Variants in DOCK10 observed in about 807,000 individuals in gnomAD.
The protein encoded by DOCK10 is dedicator of cytokinesis protein 10.
DOCK10 carries 145 observed loss-of-function variants against 280.1 expected under a neutral mutation model. The ratio of observed to expected loss-of-function variants is 0.52; its 90% CI spans 0.45 to 0.59. The LOEUF (loss-of-function observed/expected upper bound fraction) is 0.59. Ranked by LOEUF, DOCK10 falls within the 20% of genes least tolerant of loss-of-function variation. The pLI, the probability that DOCK10 is intolerant of heterozygous loss-of-function variation, is 0.00. For synonymous variants in DOCK10, 915 were observed against 942.2 expected, an observed-to-expected ratio of 0.97 and a Z score of 0.53; for missense variants, 2,368 against 2,651.7, an observed-to-expected ratio of 0.89 and a Z score of 2.35.
chr2:224,978,434 G>GA (rs200228552), intron 1 of DOCK10, among the ~76,000 whole-genome samples: 9 of 149,356 alleles, frequency 6.0e-5, no homozygotes, highest in East Asian at 2.0e-4. Flanking sequence ...CTCCGTCTCG[G>GA]AAAAAAAAAA....
chr2:224,947,666 T>C (rs1402259614), intron 1 of DOCK10, among the ~76,000 whole-genome samples: 1 of 152,210 alleles, frequency 6.6e-6, no homozygotes, highest in Non-Finnish European at 1.5e-5. Flanking sequence ...GCCCTTTCTC[T>C]GGGGCTATTT....
intron 53 of DOCK10, among the ~76,000 whole-genome samples, chr2:224,771,644 A>G (rs1225190240): frequency 6.6e-6 from 1 of 152,210 alleles, no homozygotes. Flanking sequence ...GTAAAAGAAG[A>G]AGGAAGCTGA....
At chr2:224,891,003 T>G (rs1448196012) in intron 4 of DOCK10, among the ~76,000 whole-genome samples, 1 of 152,190 alleles carries the variant, frequency 6.6e-6, no homozygotes, top group Non-Finnish European at 1.5e-5. Context: ...AGGCAGTGTG[T>G]CAATGTTTTA....
rs1252946205 is a variant in DOCK10 at position 224,807,897 on chromosome 2, G to A, written c.3585+14C>T. ...AAATGGTGTTTAGGGAAGGGAGAAA[G>A]GAAGATCACTTACTGGCTCTCTGTA... On this transcript the variant is annotated intron_variant, in intron 32 of 55. Transcript: ENST00000258390. The A allele has an allele frequency of 2.6e-5, 41 of 1,605,770 alleles. No individual in the cohort carries two copies. Among genetic ancestry groups the A allele is most frequent in the Non-Finnish European group, 3.3e-5 (39 of 1,174,052 alleles).
chr2:224,999,237 TCTGTCTCTCTCTC>T (rs1706356843), intron 1 of DOCK10, among the ~76,000 whole-genome samples: 1 of 142,428 alleles, frequency 7.0e-6, no homozygotes, highest in African/African-American at 3.0e-5. Flanking sequence ...TCTCTCTTTC[TCTGTCTCTCTCTC>T]TTTTTTTTTT....
chr2:224,790,711 G>A (rs1180507769), intron 47 of DOCK10, among the ~76,000 whole-genome samples: 1 of 152,084 alleles, frequency 6.6e-6, no homozygotes, highest in Non-Finnish European at 1.5e-5. Context: ...CTTGCAGGAT[G>A]ATGATTACTT....
chr2:224,958,358 C>T (rs773146049), intron 1 of DOCK10, among the ~76,000 whole-genome samples: 2 of 152,008 alleles, frequency 1.3e-5, no homozygotes, highest in Non-Finnish European at 2.9e-5. Context: ...GCTCCGGGCA[C>T]AAAAAGGGCA....
chr2:224,809,448 G>A (rs1046535769), intron 31 of DOCK10, among the ~76,000 whole-genome samples: 3 of 152,100 alleles, frequency 2.0e-5, no homozygotes, highest in Admixed American at 2.0e-4. Flanking sequence ...CCATATACCT[G>A]ACAGGGGGCT....
intron 1 of DOCK10, among the ~76,000 whole-genome samples, chr2:224,942,886 A>C (rs557465016): frequency 9.2e-4 from 140 of 152,312 alleles, no homozygotes; most frequent in Non-Finnish European, 1.5e-3. Context: ...AAAAACAACA[A>C]ATCACATTTA....
chr2:224,975,603 G>A (rs1163232047), intron 1 of DOCK10, among the ~76,000 whole-genome samples: 1 of 152,148 alleles, frequency 6.6e-6, no homozygotes, highest in Admixed American at 6.5e-5. Flanking sequence ...TTACTATAGG[G>A]ATAAGAAGAG....
At chr2:224,882,818 C>T (rs1699052930) in intron 7 of DOCK10, among the ~76,000 whole-genome samples, 1 of 152,152 alleles carries the variant, frequency 6.6e-6, no homozygotes, top group South Asian at 2.1e-4. Context: ...TGCCTGAGAG[C>T]TTACTAGAAC....
At chr2:225,000,225 GACAC>G (rs10531607) in intron 1 of DOCK10, among the ~76,000 whole-genome samples, 3 of 144,604 alleles carry the variant, frequency 2.1e-5, no homozygotes, top group Non-Finnish European at 4.5e-5. Context: ...CACACACACA[GACAC>G]ACACACACAC....
intron 27 of DOCK10, among the ~76,000 whole-genome samples, chr2:224,830,112 A>C (rs1468804173): frequency 6.6e-6 from 1 of 152,212 alleles, no homozygotes; most frequent in Non-Finnish European, 1.5e-5. Flanking sequence ...CTTAGCTTGC[A>C]AAGGTCCTGG....
intron 2 of DOCK10, among the ~76,000 whole-genome samples, chr2:224,919,370 G>T (rs1349171175): frequency 2.0e-5 from 3 of 149,158 alleles, no homozygotes; most frequent in African/African-American, 7.5e-5. Context: ...TGTCTGTATA[G>T]GTGGTGTGAA....
At chr2:224,896,098 C>T (rs1230739585) in intron 4 of DOCK10, among the ~76,000 whole-genome samples, 197 bp downstream of exon 4, 1 of 152,106 alleles carries the variant, frequency 6.6e-6, no homozygotes, top group Non-Finnish European at 1.5e-5. Context: ...ATATTTATAT[C>T]TGAATCCAAA....
intron 34 of DOCK10, 70 bp downstream of exon 34, chr2:224,806,056 A>G: frequency 1.1e-6 from 1 of 892,832 alleles, no homozygotes; most frequent in Non-Finnish European, 1.7e-6. Flanking sequence ...ACTGAGTAAA[A>G]AGCACAATGA....
chr2:224,977,260 G>GT (rs938184753), intron 1 of DOCK10, among the ~76,000 whole-genome samples: 3 of 151,922 alleles, frequency 2.0e-5, no homozygotes, highest in Non-Finnish European at 4.4e-5. Context: ...GGATTTTAAA[G>GT]TTTTTTTTCA....
chr2:224,884,756 A>C (rs1699178256), intron 7 of DOCK10, among the ~76,000 whole-genome samples: 1 of 150,298 alleles, frequency 6.7e-6, no homozygotes, highest in Non-Finnish European at 1.5e-5. Flanking sequence ...CTCTTAGAAG[A>C]AAGATGCTGC....
chr2:225,024,688 C>A (rs1263097966), intron 1 of DOCK10, among the ~76,000 whole-genome samples: 1 of 151,388 alleles, frequency 6.6e-6, no homozygotes, highest in African/African-American at 2.4e-5. Context: ...TTGAGACCAG[C>A]CTGGCCAACA....
Sources: allele counts gnomAD v4.1 joint callset (sites outside exome capture counted in the v4.1 genomes callset), GRCh38; gene constraint gnomAD v4.1.1; transcripts MANE v1.5; gene names NCBI Gene and HGNC (gene_info 2026-07-23, HGNC 2026-07-21).